Variants in RANBP17 observed in about 807,000 individuals in gnomAD.
The protein encoded by RANBP17 is ran-binding protein 17.
In RANBP17, 158 loss-of-function variants were observed where a neutral mutation model predicts 141.2. The ratio of observed to expected loss-of-function variants is 1.12; its 90% CI spans 0.98 to 1.28. The LOEUF (loss-of-function observed/expected upper bound fraction) is 1.28, where lower values mean the gene tolerates loss of function less well. Ranked by LOEUF, RANBP17 falls within the 50% of genes most tolerant of loss-of-function variation. The probability of loss-of-function intolerance (pLI) is 0.00; values close to 1 mark genes in which losing one functional copy is unlikely to be tolerated. For missense variants in RANBP17, 1,438 were observed against 1,290.7 expected (o/e 1.11, Z -1.75); for synonymous variants, 430 against 450.0 (o/e 0.96, Z 0.56).
chr5:171,203,232 G>T lies in RANBP17; in HGVS notation c.2143-2292G>T, dbSNP rs76303590. ...CTCTTTGCACTATTTTAAATGAGAT[G>T]GTAAACTGTAGCTCCTCCTTTCCTC... is the stretch of plus-strand genomic sequence containing the variant. On this transcript the variant is annotated intron_variant, in intron 19 of 27. Coordinates refer to ENST00000523189, the MANE Select transcript of RANBP17 (RefSeq NM_022897.5). 7.5e-3 allele frequency among the ~76,000 whole-genome samples: 1,145 copies of T among 152,218 alleles called. 13 individuals carry two copies. The highest frequency in any genetic ancestry group is 0.026 in the African/African-American group (1,083 of 41,524).
intron 14 of RANBP17, among the ~76,000 whole-genome samples, chr5:171,001,672 C>T (rs560072597): frequency 6.6e-6 from 1 of 152,190 alleles, no homozygotes; most frequent in Non-Finnish European, 1.5e-5. Context: ...CTTTAAAAGA[C>T]CATTAGCCCA....
intron 14 of RANBP17, among the ~76,000 whole-genome samples, chr5:171,062,134 T>C (rs1783921269): frequency 6.6e-6 from 1 of 151,878 alleles, no homozygotes; most frequent in African/African-American, 2.4e-5. Context: ...CTGTGTCTTT[T>C]AATTGGAGCA....
At chr5:171,203,421 T>TC (rs1762410360) in intron 19 of RANBP17, among the ~76,000 whole-genome samples, 1 of 152,196 alleles carries the variant, frequency 6.6e-6, no homozygotes, top group African/African-American at 2.4e-5. Context: ...TGCAGTATTA[T>TC]CTGCTGCTTT....
intron 22 of RANBP17, 30 bp from the exon 23 acceptor site, chr5:171,240,898 A>C (rs1372759198): frequency 8.2e-6 from 12 of 1,469,742 alleles, no homozygotes; most frequent in Non-Finnish European, 1.0e-5. Context: ...ACATCTACTT[A>C]TGTCACTTTC....
Position 171,092,915 on chromosome 5 carries a change from T to C in RANBP17, c.1711-77215T>C, listed in dbSNP as rs138552258. Among the ~76,000 whole-genome samples the C allele has an allele frequency of 6.6e-5, 10 of 152,348 alleles. No individual in the cohort carries two copies. In the East Asian group the frequency reaches 1.9e-3, roughly 29 times the overall value. ...GATGTCCACTAATATTTAGTTTGGT[T>C]TGTGTTGCATATTATGGAAAGCACT... On this transcript the variant is annotated intron_variant, in intron 14 of 27. Coordinates refer to ENST00000523189, the MANE Select transcript of RANBP17 (RefSeq NM_022897.5).
chr5:170,862,664 G>GCGCGGGCGCGGGCGCGGGCGCGGA (rs1409189747), intron 1 of RANBP17, among the ~76,000 whole-genome samples: 1 of 149,166 alleles, frequency 6.7e-6, no homozygotes, highest in Non-Finnish European at 1.5e-5. Flanking sequence ...CCCGGGCCGG[G>GCGCGGGCGCGGGCGCGGGCGCGGA]CGCGGGCGCG....
intron 16 of RANBP17, 25 bp downstream of exon 16, chr5:171,171,311 CATT>C: frequency 7.6e-7 from 1 of 1,310,290 alleles, no homozygotes; most frequent in East Asian, 2.3e-5. Flanking sequence ...GTATATCTGA[CATT>C]ATGTGTAAAC....
intron 24 of RANBP17, among the ~76,000 whole-genome samples, chr5:171,250,309 C>T (rs1242894004): frequency 6.6e-6 from 1 of 152,114 alleles, no homozygotes; most frequent in African/African-American, 2.4e-5. Flanking sequence ...CATGAAAACA[C>T]ACAAGAGTTT....
At chr5:170,997,333 G>A (rs1407724147) in intron 14 of RANBP17, among the ~76,000 whole-genome samples, 1 of 152,120 alleles carries the variant, frequency 6.6e-6, no homozygotes, top group Non-Finnish European at 1.5e-5. Context: ...GGAGGGCGGA[G>A]AGTTTGTTCA....
chr5:171,205,750 C>A lies in RANBP17; in HGVS notation c.2231+138C>A. On this transcript the variant is annotated intron_variant, in intron 20 of 27. Coordinates refer to ENST00000523189, the MANE Select transcript of RANBP17 (RefSeq NM_022897.5). ...CTAATGTGTAATCAGCTAAAAATTA[C>A]AGCACAGTGGCAGCAGAGCAGATAA... The A allele has an allele frequency of 2.7e-6, 2 of 736,748 alleles. 1 individual carries two copies. The highest frequency in any genetic ancestry group is 4.0e-5 in the Admixed American group (2 of 50,066). 45.6% of individuals were successfully genotyped at this position (736,748 alleles called of 1,614,324 possible).
intron 18 of RANBP17, among the ~76,000 whole-genome samples, chr5:171,191,247 CAG>C (rs1298568948): frequency 2.6e-5 from 4 of 152,054 alleles, no homozygotes; most frequent in African/African-American, 7.2e-5. Context: ...AATAAAAACA[CAG>C]AGGAAGGAAT....
chr5:171,189,125 A>G (rs773272726), intron 18 of RANBP17, among the ~76,000 whole-genome samples: 1 of 152,140 alleles, frequency 6.6e-6, no homozygotes, highest in East Asian at 1.9e-4. Context: ...CTTGAGAGAA[A>G]CAGAAAGAGG....
At chr5:171,122,682 T>C (rs1442690734) in intron 14 of RANBP17, among the ~76,000 whole-genome samples, 3 of 152,196 alleles carry the variant, frequency 2.0e-5, no homozygotes. Context: ...GAGTGCCCCT[T>C]GGCCTTTGGA....
chr5:170,889,507 G>A (rs1033525336), intron 3 of RANBP17, among the ~76,000 whole-genome samples: 2 of 152,046 alleles, frequency 1.3e-5, no homozygotes, highest in Non-Finnish European at 2.9e-5. Flanking sequence ...CAGAGTCCCA[G>A]TCATTTTACA....
Position 170,938,141 on chromosome 5 carries a change from A to G in RANBP17, c.1468+13591A>G, listed in dbSNP as rs376609951. ...GACGGGTCAAACAGCAAACAAGGGC[A>G]AAAAGCAGGGTTGCTCTCAAAGACA... On this transcript the variant is annotated intron_variant, in intron 12 of 27. Coordinates refer to ENST00000523189, the MANE Select transcript of RANBP17 (RefSeq NM_022897.5). 4.1e-4 allele frequency among the ~76,000 whole-genome samples: 63 copies of G among 152,338 alleles called. 1 individual carries two copies. The South Asian group carries it at 0.013, about 31-fold the overall frequency.
In RANBP17 at chr5:171,066,191, A is replaced by G. The variant is rs1194243092; in HGVS notation, c.1710+97814A>G. Among the ~76,000 whole-genome samples the G allele has an allele frequency of 2.0e-5, 3 of 152,164 alleles. No individual in the cohort carries two copies. The East Asian group carries it at 5.8e-4, about 29-fold the overall frequency. On this transcript the variant is annotated intron_variant, in intron 14 of 27. Coordinates refer to ENST00000523189, the MANE Select transcript of RANBP17 (RefSeq NM_022897.5). ...TTATTTTTTATTTTCAGTTTGAAAT[A>G]AAACTAAATTTGTTCCAAGCATGCA...
At chr5:171,040,480 A>G (rs578223896) in intron 14 of RANBP17, among the ~76,000 whole-genome samples, 3 of 152,268 alleles carry the variant, frequency 2.0e-5, no homozygotes, top group African/African-American at 7.2e-5. Flanking sequence ...GGCTCTTCCA[A>G]TGTAGTATAT....
At chr5:171,215,345 A>G (rs1332347348) in intron 21 of RANBP17, among the ~76,000 whole-genome samples, 5 of 152,140 alleles carry the variant, frequency 3.3e-5, no homozygotes, top group African/African-American at 9.7e-5. Flanking sequence ...CGCTATTGCA[A>G]ATAGTGCTGC....
chr5:171,263,535 C>T (rs983890046), intron 24 of RANBP17, among the ~76,000 whole-genome samples: 1 of 152,190 alleles, frequency 6.6e-6, no homozygotes, highest in Non-Finnish European at 1.5e-5. Context: ...TGCTCTATCA[C>T]TTACTTGTCA....
Sources: gnomAD v4.1 joint callset for allele counts (sites outside exome capture counted in the v4.1 genomes callset) on GRCh38, gnomAD v4.1.1 for gene constraint, MANE v1.5 for transcripts, NCBI Gene and HGNC (gene_info 2026-07-23, HGNC 2026-07-21) for gene names.